CTNNA2: variants seen among roughly 807,000 people sequenced by gnomAD.
CTNNA2 encodes catenin alpha-2.
CTNNA2 carries 42 observed loss-of-function variants against 101.0 expected under a neutral mutation model. The observed-to-expected ratio is 0.42, with a 90% confidence interval of 0.32 to 0.54. CTNNA2 has a LOEUF of 0.54. Among genes scored for constraint, CTNNA2 ranks in the 20% least tolerant of loss-of-function variants. The pLI, the probability that CTNNA2 is intolerant of heterozygous loss-of-function variation, is 0.14. For missense variants in CTNNA2, 871 were observed against 1,223.1 expected, an observed-to-expected ratio of 0.71 and a Z score of 4.29; for synonymous variants, 450 against 456.4, an observed-to-expected ratio of 0.99 and a Z score of 0.18.
At chr2:80,539,129 G>A (rs1305931808) in intron 9 of CTNNA2, among the ~76,000 whole-genome samples, 1 of 152,006 alleles carries the variant, frequency 6.6e-6, no homozygotes, top group Non-Finnish European at 1.5e-5. Flanking sequence ...AGCAATTCTT[G>A]TACCTCAGCC....
intron 1 of CTNNA2, among the ~76,000 whole-genome samples, chr2:79,598,247 T>C (rs569601438): frequency 1.3e-5 from 2 of 152,368 alleles, no homozygotes; most frequent in South Asian, 4.1e-4. Flanking sequence ...GCTTTGACAA[T>C]TACAAATAAA....
intron 1 of CTNNA2, among the ~76,000 whole-genome samples, chr2:79,187,667 G>A (rs1056492193): frequency 6.6e-6 from 1 of 152,086 alleles, no homozygotes; most frequent in Admixed American, 6.6e-5. Flanking sequence ...ATTTACACCA[G>A]AATCATTGTA....
At chr2:79,442,648 A>G (rs1208847794) in intron 4 of CTNNA2, among the ~76,000 whole-genome samples, 1 of 152,216 alleles carries the variant, frequency 6.6e-6, no homozygotes, top group East Asian at 1.9e-4. Context: ...AGGCAAATAT[A>G]TAATAAAATC....
chr2:80,319,607 A>G (rs979464848), intron 7 of CTNNA2, among the ~76,000 whole-genome samples: 3 of 152,194 alleles, frequency 2.0e-5, no homozygotes, highest in Admixed American at 2.0e-4. Flanking sequence ...ATGAAAAGCA[A>G]TACTTTGTGA....
intron 18 of CTNNA2, among the ~76,000 whole-genome samples, chr2:80,642,172 G>A (rs1573548056): frequency 6.6e-6 from 1 of 152,034 alleles, no homozygotes; most frequent in Non-Finnish European, 1.5e-5. Flanking sequence ...GACTAGTTAG[G>A]TATTTGAGAA....
At chr2:80,025,984 T>C (rs1694902030) in intron 7 of CTNNA2, among the ~76,000 whole-genome samples, 1 of 152,136 alleles carries the variant, frequency 6.6e-6, no homozygotes, top group South Asian at 2.1e-4. Context: ...ATGTGTGCAG[T>C]GTGTTATGTG....
In CTNNA2 at chr2:79,215,053, T is replaced by C. The variant is rs748723033; in HGVS notation, c.-406+16977T>C. ...CGTCCGTGATGGTCTAGGGGGCTTC[T>C]GAGGCGATCGGGCAGCGTCAGTCTT... On this transcript the variant is annotated intron_variant, in intron 2 of 21. Coordinates refer to the CTNNA2 transcript ENST00000466387. Among the ~76,000 whole-genome samples, 56 of 152,258 alleles carry C rather than the reference T, an allele frequency of 3.7e-4. 1 individual carries two copies. Among genetic ancestry groups the C allele is most frequent in the Middle Eastern group, 3.4e-3 (1 of 294 alleles).
At chr2:79,460,536 C>T (rs1214686058) in intron 4 of CTNNA2, among the ~76,000 whole-genome samples, 1 of 152,174 alleles carries the variant, frequency 6.6e-6, no homozygotes, top group Non-Finnish European at 1.5e-5. Context: ...ATTCACATTG[C>T]CACAATAGGC....
At chr2:80,549,037 T>G (rs1161164613) in intron 11 of CTNNA2, among the ~76,000 whole-genome samples, 1 of 152,186 alleles carries the variant, frequency 6.6e-6, no homozygotes, top group African/African-American at 2.4e-5. Flanking sequence ...TTTGTCCATA[T>G]GAAATGCAAC....
chr2:80,431,694 C>T (rs549642041), intron 9 of CTNNA2, among the ~76,000 whole-genome samples: 1 of 152,272 alleles, frequency 6.6e-6, no homozygotes, highest in South Asian at 2.1e-4. Context: ...TTATTGTACT[C>T]CCATAACTTA....
chr2:80,268,078 T>A (rs1673155970), intron 7 of CTNNA2, among the ~76,000 whole-genome samples: 1 of 152,212 alleles, frequency 6.6e-6, no homozygotes, highest in Non-Finnish European at 1.5e-5. Flanking sequence ...CCCACAGAGT[T>A]CAGCTCTTGC....
At chr2:79,608,158 C>CA (rs1404454050) in intron 1 of CTNNA2, among the ~76,000 whole-genome samples, 2 of 151,880 alleles carry the variant, frequency 1.3e-5, no homozygotes, top group Admixed American at 1.3e-4. Context: ...ATAAGTTGGA[C>CA]AACTTAGGTG....
chr2:80,081,301 T>C (rs1434483433), intron 7 of CTNNA2, among the ~76,000 whole-genome samples: 19 of 151,918 alleles, frequency 1.3e-4, no homozygotes, highest in Admixed American at 1.2e-3. Flanking sequence ...TCGAGGAGGA[T>C]TGGGGTATAA....
chr2:79,563,189 T>TATATATATATATATATATATA (rs879673133), intron 1 of CTNNA2, among the ~76,000 whole-genome samples: 86 of 40,314 alleles, frequency 2.1e-3, no homozygotes, highest in African/African-American at 4.0e-3. Context: ...ATATATATAT[T>TATATATATATATATATATATA]TTCCTTCATT....
intron 5 of CTNNA2, among the ~76,000 whole-genome samples, chr2:79,506,371 T>C (rs1324100639): frequency 6.6e-6 from 1 of 152,024 alleles, no homozygotes; most frequent in Non-Finnish European, 1.5e-5. Context: ...TAAGTTGACT[T>C]ATACAAAGGA....
intron 7 of CTNNA2, among the ~76,000 whole-genome samples, chr2:80,182,911 T>C (rs1040264845): frequency 6.6e-6 from 1 of 152,192 alleles, no homozygotes; most frequent in Admixed American, 6.5e-5. Flanking sequence ...CCCAAAGGCA[T>C]GACATCTGAG....
At chr2:79,720,994 T>C (rs781185744) in intron 2 of CTNNA2, among the ~76,000 whole-genome samples, 20 of 151,896 alleles carry the variant, frequency 1.3e-4, no homozygotes, top group Non-Finnish European at 2.6e-4. Flanking sequence ...ATGTATAAAT[T>C]AATATGGGGT....
intron 8 of CTNNA2, among the ~76,000 whole-genome samples, chr2:80,405,566 C>T (rs10194546): frequency 0.023 from 3,504 of 152,186 alleles, 80 homozygotes; most frequent in South Asian, 0.055. Context: ...TTCCTTATGC[C>T]ATTCATATCT....
chr2:80,503,196 A>G (rs1688012307), intron 9 of CTNNA2, among the ~76,000 whole-genome samples: 1 of 152,182 alleles, frequency 6.6e-6, no homozygotes, highest in South Asian at 2.1e-4. Flanking sequence ...AAATAAAAAT[A>G]AAAGAAAGAA....
Sources: gnomAD v4.1 joint callset for allele counts (sites outside exome capture counted in the v4.1 genomes callset) on GRCh38, gnomAD v4.1.1 for gene constraint, MANE v1.5 for transcripts, NCBI Gene and HGNC (gene_info 2026-07-23, HGNC 2026-07-21) for gene names.